The following RAD23B variants were observed in gnomAD, a reference collection of about 807,000 sequenced individuals.
RAD23B encodes RAD23 nucleotide excision repair protein B.
Under a neutral mutation model 49.1 loss-of-function variants are expected in RAD23B, and 5 were observed. The observed-to-expected ratio is 0.10, with a 90% confidence interval of 0.05 to 0.21. RAD23B has a LOEUF of 0.21. Ranked by LOEUF, RAD23B falls within the 10% of genes least tolerant of loss-of-function variation. The pLI is 1.00. For synonymous variants in RAD23B, 184 were observed against 165.4 expected, an observed-to-expected ratio of 1.11 and a Z score of -0.86; for missense variants, 356 against 486.7, an observed-to-expected ratio of 0.73 and a Z score of 2.53.
At position 107,322,099 on chromosome 9, in the gene RAD23B, T is replaced by TACA; in HGVS notation, c.806_808dup (p.Thr269dup). 3 of 1,608,308 alleles carry TACA rather than the reference T, an allele frequency of 1.9e-6. No individual in the cohort carries two copies. Among genetic ancestry groups the TACA allele is most frequent in the Non-Finnish European group, 2.5e-6 (3 of 1,177,302 alleles). On this transcript the variant is annotated inframe_insertion, in exon 7 of 10. Coordinates refer to ENST00000358015, the MANE Select transcript of RAD23B (RefSeq NM_002874.5). Reference sequence around the variant, plus strand: ...CTGCAGCAACTACGACAGCAACAACTACAACAACAAGTTCTGGAGGTAAAG... The same window carrying TACA: ...CTGCAGCAACTACGACAGCAACAACTACAACAACAACAAGTTCTGGAGGTAAAG...
At position 107,318,710 on chromosome 9, in the gene RAD23B, T is replaced by C. The variant is rs1172582137; in HGVS notation, c.554-42T>C. The C allele has an allele frequency of 5.1e-6, 8 of 1,570,612 alleles. No individual in the cohort carries two copies. In the Admixed American group the frequency reaches 1.4e-4, roughly 27 times the overall value. ...AATAAATGTATAGAGAATGCTTATTTATTAAATGTTCCTTTTTTTCCCCTC... is the reference window on the plus strand; with the variant it reads ...AATAAATGTATAGAGAATGCTTATTCATTAAATGTTCCTTTTTTTCCCCTC... On this transcript the variant is annotated intron_variant, in intron 5 of 9. Transcript: ENST00000358015. The surrounding 1 kb of genome is among the most constrained non-coding windows in gnomAD (Gnocchi z 4.3).
Position 107,318,265 on chromosome 9 carries a change from G to A in RAD23B, c.554-487G>A, listed in dbSNP as rs572973399. ...GCCGGCATTCCTTTTTGGAGACTCC[G>A]GGGAAGAATTTTTTTCCTGATCCTG... On this transcript the variant is annotated intron_variant, in intron 5 of 9. Transcript: ENST00000358015. The surrounding 1 kb of genome is among the most constrained non-coding windows in gnomAD (Gnocchi z 4.3). Among the ~76,000 whole-genome samples, 16 of 152,204 alleles carry A rather than the reference G, an allele frequency of 1.1e-4. No individual in the cohort carries two copies. The highest frequency in any genetic ancestry group is 3.6e-4 in the African/African-American group (15 of 41,552).
At chr9:107,326,256 T>C (rs1827199464) in intron 9 of RAD23B, among the ~76,000 whole-genome samples, 1 of 152,014 alleles carries the variant, frequency 6.6e-6, no homozygotes, top group Non-Finnish European at 1.5e-5. Context: ...TCTCTCCTGT[T>C]GTCTGGAAGT....
intron 1 of RAD23B, among the ~76,000 whole-genome samples, chr9:107,290,714 G>T (rs1833366712): frequency 6.6e-6 from 1 of 152,182 alleles, no homozygotes; most frequent in Admixed American, 6.5e-5. Flanking sequence ...AATAAATTTT[G>T]CAGTTTTTAA....
At chr9:107,327,860 C>G (rs1306839049) in intron 9 of RAD23B, among the ~76,000 whole-genome samples, 1 of 151,990 alleles carries the variant, frequency 6.6e-6, no homozygotes, top group Non-Finnish European at 1.5e-5. Context: ...ACCTTTAATT[C>G]TCAGTTTTTA....
chr9:107,301,370 C>T (rs1383393386), intron 2 of RAD23B, among the ~76,000 whole-genome samples: 2 of 152,168 alleles, frequency 1.3e-5, no homozygotes, highest in East Asian at 1.9e-4. Context: ...GACCCCTGTG[C>T]AATCGGAGTA....
chr9:107,293,318 AG>A (rs1178318492), intron 1 of RAD23B, among the ~76,000 whole-genome samples: 1 of 152,220 alleles, frequency 6.6e-6, no homozygotes, highest in East Asian at 1.9e-4. Flanking sequence ...TATGTACCAA[AG>A]GCTTGAATAC....
chr9:107,302,692 G>A (rs1285108053), intron 3 of RAD23B, among the ~76,000 whole-genome samples: 1 of 144,032 alleles, frequency 6.9e-6, no homozygotes, highest in African/African-American at 2.6e-5. Context: ...GTCTCGCTCT[G>A]TTGCCCAGGC....
intron 5 of RAD23B, among the ~76,000 whole-genome samples, chr9:107,316,683 T>G (rs1327419807): frequency 6.6e-6 from 1 of 152,118 alleles, no homozygotes; most frequent in Non-Finnish European, 1.5e-5. Flanking sequence ...ACACCTTTAT[T>G]TTTGAAAATT....
rs1163339147 is a variant in RAD23B, at chr9:107,294,204, T to C, written c.67-5937T>C. 2.0e-5 allele frequency among the ~76,000 whole-genome samples: 3 copies of C among 152,200 alleles called. No homozygotes were observed. The East Asian group carries it at 5.8e-4, about 29-fold the overall frequency. On this transcript the variant is annotated intron_variant, in intron 1 of 9. Coordinates refer to ENST00000358015, the MANE Select transcript of RAD23B (RefSeq NM_002874.5). ...GAAAAAAGAAAAACCATGCCCATCATGTTTAATATTATGTTGAGTACGTTT... is the reference window on the plus strand; with the variant it reads ...GAAAAAAGAAAAACCATGCCCATCACGTTTAATATTATGTTGAGTACGTTT...
chr9:107,317,879 A>T (rs758041132), intron 5 of RAD23B, among the ~76,000 whole-genome samples: 1 of 152,132 alleles, frequency 6.6e-6, no homozygotes, highest in Non-Finnish European at 1.5e-5. Flanking sequence ...TGTATAGTGT[A>T]CAAGATTTTA....
At chr9:107,315,365 T>C (rs1826969853) in intron 5 of RAD23B, among the ~76,000 whole-genome samples, 1 of 152,202 alleles carries the variant, frequency 6.6e-6, no homozygotes. Context: ...CCATGCTGTT[T>C]TGGTTACAAT....
At chr9:107,308,343 T>C (rs1826824405) in intron 4 of RAD23B, among the ~76,000 whole-genome samples, 1 of 151,902 alleles carries the variant, frequency 6.6e-6, no homozygotes, top group Non-Finnish European at 1.5e-5. Flanking sequence ...CTCAGCCTCC[T>C]GAGTAGCTGG....
intron 5 of RAD23B, among the ~76,000 whole-genome samples, chr9:107,317,489 AG>A (rs555566686): frequency 6.4e-4 from 98 of 152,224 alleles, no homozygotes; most frequent in Middle Eastern, 3.4e-3. Context: ...CATGTTCAAT[AG>A]CTATGGCTGT....
In RAD23B at chr9:107,283,604, C is replaced by G. The variant is rs1351088397; in HGVS notation, c.-26C>G. On this transcript the variant is annotated 5_prime_UTR_variant, in exon 1 of 10. Transcript: ENST00000358015. Reference sequence around the variant, plus strand: ...CAGCGGCCAGCACCCGGCGCAGGCCCGGCAGCCGAGCTGCGCGGCGGCACC... The same window carrying G: ...CAGCGGCCAGCACCCGGCGCAGGCCGGGCAGCCGAGCTGCGCGGCGGCACC... 14 of 1,466,416 alleles carry G rather than the reference C, an allele frequency of 9.5e-6. No individual in the cohort carries two copies. The East Asian group carries it at 3.3e-4, about 35-fold the overall frequency. 90.8% of individuals were successfully genotyped at this position (1,466,416 alleles called of 1,614,324 possible). A position where few individuals can be genotyped will look rare whatever the true frequency, so the allele number is the denominator to read the frequency against.
intron 1 of RAD23B, among the ~76,000 whole-genome samples, chr9:107,292,084 A>G (rs1344088296): frequency 2.6e-5 from 4 of 152,240 alleles, no homozygotes; most frequent in African/African-American, 9.6e-5. Context: ...TTTACACATA[A>G]TACATGAACA....
intron 1 of RAD23B, among the ~76,000 whole-genome samples, chr9:107,290,322 A>C (rs1360250903): frequency 6.6e-6 from 1 of 152,168 alleles, no homozygotes; most frequent in East Asian, 1.9e-4. Context: ...TCACTCCATC[A>C]GATCTTTTCT....
intron 1 of RAD23B, among the ~76,000 whole-genome samples, chr9:107,295,308 G>A (rs1826485131): frequency 1.3e-5 from 2 of 152,120 alleles, no homozygotes; most frequent in Admixed American, 6.5e-5. Flanking sequence ...TGAAGTATTA[G>A]GTCTAAGTGT....
intron 3 of RAD23B, among the ~76,000 whole-genome samples, chr9:107,305,071 T>C (rs1272594881): frequency 6.6e-6 from 1 of 152,120 alleles, no homozygotes; most frequent in Non-Finnish European, 1.5e-5. Context: ...GGCGGATCGC[T>C]TGAGCTCAGG....
Sources: allele counts gnomAD v4.1 joint callset (sites outside exome capture counted in the v4.1 genomes callset), GRCh38; gene constraint gnomAD v4.1.1; non-coding constraint Gnocchi (gnomAD v3.1); transcripts MANE v1.5; gene names NCBI Gene and HGNC (gene_info 2026-07-23, HGNC 2026-07-21).